NOC2L: variants seen among roughly 807,000 people sequenced by gnomAD.
The protein encoded by NOC2L is NOC2 like nucleolar associated transcriptional repressor, also known as nucleolar complex protein 2 homolog.
Under a neutral mutation model 94.2 loss-of-function variants are expected in NOC2L, and 101 were observed. That is an observed-to-expected ratio of 1.07 (90% CI 0.91 to 1.26). NOC2L has a LOEUF of 1.26. NOC2L is among the 50% of genes most tolerant of loss of function. NOC2L has a pLI of 0.00. For missense variants in NOC2L, 1,076 were observed against 980.1 expected (o/e 1.10, Z -1.31); for synonymous variants, 531 against 413.4 (o/e 1.28, Z -3.45).
chr1:945,596 C>T lies in NOC2L; in HGVS notation c.1975G>A (p.Glu659Lys). Reference protein sequence around the residue: ...KRRKMADRKDEDRKQFKDLFD... With the variant: ...KRRKMADRKDKDRKQFKDLFD... ...AGGTCTTTAAATTGCTTCCTGTCCT[C>T]ATCCTTCCTGTCAGCCATCTTCCTT... Residue 659 changes from glutamate to lysine, a missense_variant, in exon 17 of 19, where the codon GAG becomes AAG. Coordinates refer to ENST00000327044, the MANE Select transcript of NOC2L (RefSeq NM_015658.4). 1 of 1,614,192 alleles carries T rather than the reference C, an allele frequency of 6.2e-7. No individual in the cohort carries two copies. Among genetic ancestry groups the T allele is most frequent in the South Asian group, 1.1e-5 (1 of 91,080 alleles).
chr1:953,389 C>A, intron 8 of NOC2L, 101 bp from the exon 9 acceptor site: 1 of 706,224 alleles, frequency 1.4e-6, no homozygotes. Context: ...CTCCCATGGC[C>A]ACCAGCTCTT....
chr1:954,101 C>G lies in NOC2L; in HGVS notation c.699-19G>C. 2 of 1,609,830 alleles carry G rather than the reference C, an allele frequency of 1.2e-6. No individual in the cohort carries two copies. Among genetic ancestry groups the G allele is most frequent in the Non-Finnish European group, 1.7e-6 (2 of 1,177,746 alleles). The stretch of plus-strand genomic sequence containing the variant: ...CAGCATCCTGCAGAGAGACCACCCA[C>G]CCCTGGCTGGGAGGCCCCACGGCTC... On this transcript the variant is annotated intron_variant, in intron 6 of 18. Transcript: ENST00000327044.
At chr1:958,828 G>A in intron 2 of NOC2L, 101 bp downstream of exon 2, 4 of 1,244,314 alleles carry the variant, frequency 3.2e-6, no homozygotes, top group Non-Finnish European at 4.7e-6. Context: ...AGAGGTCGGC[G>A]ATCCTTAGGC....
At chr1:953,943 CA>C in intron 7 of NOC2L, 51 bp from the exon 8 acceptor site, 1 of 1,604,172 alleles carries the variant, frequency 6.2e-7, no homozygotes, top group South Asian at 1.1e-5. Flanking sequence ...TTCTGGGATA[CA>C]AAAAAGGACC....
chr1:948,299 C>T, intron 13 of NOC2L, 67 bp from the exon 14 acceptor site: 1 of 1,351,854 alleles, frequency 7.4e-7, no homozygotes, highest in Non-Finnish European at 1.0e-6. Context: ...AGGCCCCTTC[C>T]CCTCAGGCTG....
At position 948,127 on chromosome 1, in the gene NOC2L, A is replaced by C. The variant is rs1466737907; in HGVS notation, c.1659+4T>G. 2 of 1,578,468 alleles carry C rather than the reference A, an allele frequency of 1.3e-6. No homozygotes were observed. Among genetic ancestry groups the C allele is most frequent in the South Asian group, 2.3e-5 (2 of 86,566 alleles). On this transcript the variant is annotated splice_donor_region_variant and intron_variant, in intron 14 of 18. Transcript: ENST00000327044. The stretch of plus-strand genomic sequence containing the variant: ...CCACGAGCCGGTGTGGGCAGGACAC[A>C]CACCTGCAGGACCACAGGCAGCACC...
At chr1:953,139 G>C in intron 9 of NOC2L, 36 bp downstream of exon 9, 1 of 1,477,290 alleles carries the variant, frequency 6.8e-7, no homozygotes. Flanking sequence ...TTCCAATGCA[G>C]ATGCTGAGGG....
intron 12 of NOC2L, among the ~76,000 whole-genome samples, chr1:950,597 G>A (rs890342577): frequency 6.6e-6 from 1 of 152,054 alleles, no homozygotes; most frequent in Non-Finnish European, 1.5e-5. Context: ...ACACCTGCAG[G>A]CACACAGGCA....
chr1:951,622 A>G (rs1350892087), intron 11 of NOC2L, among the ~76,000 whole-genome samples: 1 of 152,100 alleles, frequency 6.6e-6, no homozygotes, highest in East Asian at 1.9e-4. Context: ...TGCAGCCCCT[A>G]CCGTGCCTGG....
intron 6 of NOC2L, among the ~76,000 whole-genome samples, chr1:955,437 T>C (rs1279638743): frequency 1.3e-5 from 2 of 152,202 alleles, no homozygotes; most frequent in South Asian, 2.1e-4. Context: ...GCGTCTCTCT[T>C]CTCTGAAAAC....
intron 12 of NOC2L, among the ~76,000 whole-genome samples, chr1:949,846 C>CCTGG (rs1642204798): frequency 6.6e-6 from 1 of 152,180 alleles, no homozygotes; most frequent in Admixed American, 6.5e-5. Flanking sequence ...TCAGAACGTG[C>CCTGG]CTGGGGCTTC....
In NOC2L at chr1:952,536, C is replaced by G; in HGVS notation, c.1067G>C (p.Ser356Thr). The G allele has an allele frequency of 6.2e-7, 1 of 1,613,956 alleles. No individual in the cohort carries two copies. The highest frequency in any genetic ancestry group is 1.3e-5 in the African/African-American group (1 of 75,058). Residue 356 changes from serine (S) to threonine (T), a missense_variant, in exon 10 of 19, where the codon AGT becomes ACT. By Grantham distance (58) the Ser-to-Thr change is moderately conservative. Transcript: ENST00000327044. ...FTSPGALPFI[S>T]FMQWTLTELL... ...CTCCGTCAAGGTCCACTGCATGAAA[C>G]TGATGAAGGGGAGGGCACCAGGCGA...
intron 14 of NOC2L, 48 bp downstream of exon 14, chr1:948,083 A>G (rs148803745): frequency 5.5e-6 from 8 of 1,462,838 alleles, no homozygotes; most frequent in Non-Finnish European, 7.5e-6. Flanking sequence ...CAAGCCCGTT[A>G]TAAGACAGTC....
rs541154315 is a variant in NOC2L, at chr1:944,291, G to A, written c.*403C>T. 25 of 1,418,474 alleles carry A rather than the reference G, an allele frequency of 1.8e-5. No homozygotes were observed. In the African/African-American group the frequency reaches 2.0e-4, roughly 12 times the overall value. The allele number at this position is 1,418,474 out of a possible 1,614,324, so 87.9% of individuals were successfully genotyped here. A position where few individuals can be genotyped will look rare whatever the true frequency, so the allele number is the denominator to read the frequency against. On this transcript the variant is annotated 3_prime_UTR_variant, in exon 19 of 19. Transcript: ENST00000327044. ...TTTTAAAAGAAAATGTGACTTCAAAGGAAAGGAACAAATTTTCAAAGACTT... is the reference window on the plus strand; with the variant it reads ...TTTTAAAAGAAAATGTGACTTCAAAAGAAAGGAACAAATTTTCAAAGACTT...
intron 12 of NOC2L, among the ~76,000 whole-genome samples, chr1:950,807 A>AGT (rs1642241745): frequency 1.3e-3 from 1 of 758 alleles, no homozygotes; most frequent in Non-Finnish European, 4.2e-3. Flanking sequence ...GGCACTGTTC[A>AGT]GTGTACAGTT....
In NOC2L at chr1:947,655, A is replaced by G. The variant is rs149281644; in HGVS notation, c.1659+476T>C. ...CTCCTCCACCCCACTCCTGCCTAAG[A>G]TGAGGCTGACGTGGGGTATTTAGCG... On this transcript the variant is annotated intron_variant, in intron 14 of 18. Coordinates refer to ENST00000327044, the MANE Select transcript of NOC2L (RefSeq NM_015658.4). Among the ~76,000 whole-genome samples the G allele has an allele frequency of 5.6e-3, 850 of 152,292 alleles. 6 individuals carry two copies. The highest frequency in any genetic ancestry group is 9.9e-3 in the Non-Finnish European group (671 of 68,018).
At chr1:952,869 G>A (rs1045536629) in intron 9 of NOC2L, among the ~76,000 whole-genome samples, 4 of 152,202 alleles carry the variant, frequency 2.6e-5, no homozygotes, top group Non-Finnish European at 4.4e-5. Context: ...CGGGCAGTAG[G>A]ACTGTACCCT....
chr1:946,219 T>A lies in NOC2L; in HGVS notation c.1871A>T (p.Lys624Met), dbSNP rs1642105617. The change falls in exon 16 of 19, where the codon AAG becomes ATG. Residue 624 changes from lysine (K) to methionine (M), a missense_variant. Lys to Met is a moderately conservative substitution (Grantham distance 95). This residue lies in a region of NOC2L where 615 missense variants were observed against 577.4 expected (regional missense o/e 1.07). Coordinates refer to ENST00000327044, the MANE Select transcript of NOC2L (RefSeq NM_015658.4). Reference protein sequence around the residue: ...PLTLYYSHWRKLRDREIQLEI... With the variant: ...PLTLYYSHWRMLRDREIQLEI... Reference sequence around the variant, plus strand: ...CAGCTGGATCTCCCGGTCACGCAGCTTGCGCCAGTGGCTGTAGTACAAGGT... The same window carrying A: ...CAGCTGGATCTCCCGGTCACGCAGCATGCGCCAGTGGCTGTAGTACAAGGT... 4 of 1,613,764 alleles carry A rather than the reference T, an allele frequency of 2.5e-6. No homozygotes were observed. The highest frequency in any genetic ancestry group is 2.5e-6 in the Non-Finnish European group (3 of 1,179,838).
rs1642120248 is a variant in NOC2L, at chr1:946,443, G to A, written c.1762C>T (p.Arg588Cys). Reference sequence around the variant, plus strand: ...GAGACGCCGAAGGAAACCCTCTGGCGGCGGCTGCAGATGTATGCCGAGTTC... The same window carrying A: ...GAGACGCCGAAGGAAACCCTCTGGCAGCGGCTGCAGATGTATGCCGAGTTC... ...QENSAYICSRRQRVSFGVSEQ... is the reference protein window; with the variant it reads ...QENSAYICSRCQRVSFGVSEQ... The change falls in exon 15 of 19, where the codon CGC becomes TGC. Residue 588 changes from arginine (R) to cysteine (C), a missense_variant. Physicochemically the swap from Arg to Cys is radical, Grantham distance 180. Transcript: ENST00000327044. 6 of 1,613,258 alleles carry A rather than the reference G, an allele frequency of 3.7e-6. No individual in the cohort carries two copies. Among genetic ancestry groups the A allele is most frequent in the South Asian group, 1.1e-5 (1 of 91,080 alleles).
Sources: allele counts gnomAD v4.1 joint callset (sites outside exome capture counted in the v4.1 genomes callset), GRCh38; gene constraint gnomAD v4.1.1; regional missense constraint gnomAD v4.1.1; transcripts MANE v1.5; gene names NCBI Gene and HGNC (gene_info 2026-07-23, HGNC 2026-07-21).